The following ZNF577 variants were observed in gnomAD, a reference collection of about 807,000 sequenced individuals.
ZNF577 encodes zinc finger protein 577.
In ZNF577, 14 loss-of-function variants were observed where a neutral mutation model predicts 13.9. The ratio of observed to expected loss-of-function variants is 1.00; its 90% CI spans 0.66 to 1.57. The LOEUF (loss-of-function observed/expected upper bound fraction) is 1.57, where lower values mean the gene tolerates loss of function less well. ZNF577 is among the 40% of genes most tolerant of loss of function. The pLI is 0.00. For synonymous variants in ZNF577, 203 were observed against 202.9 expected (o/e 1.00, Z 0.00); for missense variants, 555 against 579.2 (o/e 0.96, Z 0.43).
intron 5 of ZNF577, among the ~76,000 whole-genome samples, chr19:51,847,192 G>C (rs1443566377): frequency 6.6e-6 from 1 of 152,032 alleles, no homozygotes; most frequent in Non-Finnish European, 1.5e-5. Flanking sequence ...CATGAATTTT[G>C]GTTGTACAGG....
chr19:51,824,497 TC>T lies in ZNF577; in HGVS notation c.*600-12824del. 6.2e-7 allele frequency: 1 copy of T among 1,614,074 alleles called. No homozygotes were observed. The highest frequency in any genetic ancestry group is 8.5e-7 in the Non-Finnish European group (1 of 1,179,982). On this transcript the variant is annotated intron_variant and NMD_transcript_variant, in intron 9 of 10. Transcript: ENST00000638827. This position sits in a 1 kb window ranked among gnomAD's most constrained non-coding sequence, Gnocchi z 4.7. ...GTCTTCGCTGCTGTGGTGGCTTCTT[TC>T]TTCATCTGTTGGTTCCCTTATGAAC...
intron 9 of ZNF577, among the ~76,000 whole-genome samples, chr19:51,816,071 A>G (rs2084134509): frequency 6.6e-6 from 1 of 151,854 alleles, no homozygotes; most frequent in African/African-American, 2.4e-5. Flanking sequence ...TATTAAAAAA[A>G]AAAAAAAAAC....
intron 5 of ZNF577, among the ~76,000 whole-genome samples, chr19:51,852,273 G>A (rs1426162747): frequency 6.6e-6 from 1 of 152,160 alleles, no homozygotes; most frequent in African/African-American, 2.4e-5. Context: ...ATTCTTTTGG[G>A]CTAATGGGCT....
intron 2 of ZNF577, 136 bp from the exon 3 acceptor site, chr19:51,880,537 T>C: frequency 1.4e-6 from 1 of 731,554 alleles, no homozygotes; most frequent in East Asian, 2.6e-5. Flanking sequence ...TTGCCAGGAT[T>C]TTAAGATTCC....
rs560748614 is a variant in ZNF577, at chr19:51,878,823, C to G, written c.61-308G>C. 5 of 236,914 alleles carry G rather than the reference C, an allele frequency of 2.1e-5. No homozygotes were observed. In the Admixed American group the frequency reaches 2.4e-4, roughly 12 times the overall value. 14.7% of individuals were successfully genotyped at this position (236,914 alleles called of 1,614,324 possible). A position where few individuals can be genotyped will look rare whatever the true frequency, so the allele number is the denominator to read the frequency against. On this transcript the variant is annotated intron_variant, in intron 3 of 5. Coordinates refer to ENST00000638348, the MANE Select transcript of ZNF577 (RefSeq NM_001370449.1). ...AGGGTTAAATTACAGCACCTCCATG[C>G]TATAATATACTGCAAAAATGTTAAA...
intron 6 of ZNF577, among the ~76,000 whole-genome samples, chr19:51,844,452 A>G (rs2084339262): frequency 6.6e-6 from 1 of 152,198 alleles, no homozygotes; most frequent in South Asian, 2.1e-4. Flanking sequence ...CCTTCTGGAC[A>G]AAGTAAATCT....
intron 9 of ZNF577, among the ~76,000 whole-genome samples, chr19:51,827,130 G>C (rs1206796526): frequency 6.6e-6 from 1 of 152,042 alleles, no homozygotes; most frequent in Non-Finnish European, 1.5e-5. Flanking sequence ...CCTAATCTTA[G>C]GGCCTTTCAT....
intron 1 of ZNF577, 143 bp from the exon 2 acceptor site, chr19:51,881,020 G>A (rs1264479493): frequency 6.6e-6 from 1 of 152,330 alleles, no homozygotes; most frequent in Non-Finnish European, 1.5e-5. Context: ...TACATCATGG[G>A]GCAGTGATCC....
chr19:51,824,605 C>G lies in ZNF577; in HGVS notation c.*600-12931G>C. 6.2e-7 allele frequency: 1 copy of G among 1,614,174 alleles called. No individual in the cohort carries two copies. Among genetic ancestry groups the G allele is most frequent in the Non-Finnish European group, 8.5e-7 (1 of 1,180,022 alleles). On this transcript the variant is annotated intron_variant and NMD_transcript_variant, in intron 9 of 10. Transcript: ENST00000638827. This position sits in a 1 kb window ranked among gnomAD's most constrained non-coding sequence, Gnocchi z 4.7. ...AAAATCATTCTTGTCCTGATTAACC[C>G]AACAAGCTCCTTGGCCTTTTTTAAC...
chr19:51,838,824 A>T (rs1392288888), intron 9 of ZNF577, among the ~76,000 whole-genome samples: 3 of 151,956 alleles, frequency 2.0e-5, no homozygotes, highest in Admixed American at 2.0e-4. Flanking sequence ...ATTTACAAGC[A>T]TGTAACAATT....
chr19:51,818,308 G>C (rs75409230), intron 9 of ZNF577, among the ~76,000 whole-genome samples: 3,904 of 152,216 alleles, frequency 0.026, 160 homozygotes, highest in African/African-American at 0.089. Flanking sequence ...TATTATTGGT[G>C]TTAATTTCCC....
chr19:51,810,049 A>C lies in ZNF577; in HGVS notation c.*817+1408T>G, dbSNP rs138015657. ...TTTTTTCCACTGGGTGGGGCACTGC[A>C]TTGTAAGGTCCTTTCTGTACTGAGA... On this transcript the variant is annotated intron_variant and NMD_transcript_variant, in intron 10 of 10. Coordinates refer to the ZNF577 transcript ENST00000638827. Among the ~76,000 whole-genome samples the C allele has an allele frequency of 7.4e-3, 1,124 of 152,284 alleles. 3 individuals are homozygous for C. Among genetic ancestry groups the C allele is most frequent in the South Asian group, 9.3e-3 (45 of 4,828 alleles).
intron 9 of ZNF577, among the ~76,000 whole-genome samples, chr19:51,815,245 T>C (rs925417769): frequency 2.6e-5 from 4 of 151,952 alleles, no homozygotes; most frequent in African/African-American, 9.7e-5. Flanking sequence ...GAAGGGGAAG[T>C]GGGGACTGGA....
intron 9 of ZNF577, chr19:51,823,927 A>G: frequency 6.2e-7 from 1 of 1,614,032 alleles, no homozygotes. Flanking sequence ...CGCACAGTCA[A>G]CACCATCTGT....
At chr19:51,863,373 A>G (rs760842424), downstream of ZNF577, 1 of 152,210 alleles carries the variant, frequency 6.6e-6, no homozygotes, top group Non-Finnish European at 1.5e-5. Context: ...TTTCCCATTT[A>G]CCATAAAAAG....
rs781059093 is a variant in ZNF577 at position 51,824,692 on chromosome 19, G to A, written c.*600-13018C>T. On this transcript the variant is annotated intron_variant and NMD_transcript_variant, in intron 9 of 10. Transcript: ENST00000638827. The surrounding 1 kb of genome is among the most constrained non-coding windows in gnomAD (Gnocchi z 4.7). ...CGTAACTTCCAAGAAAGACTGATTC[G>A]CTCTTTGCCCACTAGTTTGGAGAGG... 1.4e-5 allele frequency: 22 copies of A among 1,613,794 alleles called. No individual in the cohort carries two copies. The highest frequency in any genetic ancestry group is 4.0e-5 in the African/African-American group (3 of 74,848).
intron 3 of ZNF577, 66 bp downstream of exon 3, chr19:51,880,257 C>T (rs8110531): frequency 0.16 from 237,728 of 1,508,918 alleles, 24,947 homozygotes; most frequent in South Asian, 0.38. Context: ...TTGAGGATAC[C>T]GTCAACCACA....
chr19:51,884,888 T>C (rs2084919237), intron 1 of ZNF577, among the ~76,000 whole-genome samples: 2 of 152,222 alleles, frequency 1.3e-5, no homozygotes, highest in South Asian at 4.1e-4. Flanking sequence ...GAAAACAGCA[T>C]GTTCTGAATT....
chr19:51,832,659 T>C (rs1428096499), intron 9 of ZNF577, among the ~76,000 whole-genome samples: 1 of 152,220 alleles, frequency 6.6e-6, no homozygotes, highest in Non-Finnish European at 1.5e-5. Context: ...CCTAAAAATG[T>C]AGTAGTTCTA....
Sources: allele counts gnomAD v4.1 joint callset (sites outside exome capture counted in the v4.1 genomes callset), GRCh38; gene constraint gnomAD v4.1.1; non-coding constraint Gnocchi (gnomAD v3.1); transcripts MANE v1.5; gene names NCBI Gene and HGNC (gene_info 2026-07-23, HGNC 2026-07-21).